Variants in ZNF385B observed in about 807,000 individuals in gnomAD.
ZNF385B encodes zinc finger protein 385B.
In ZNF385B, 23 loss-of-function variants were observed where a neutral mutation model predicts 39.2. That is an observed-to-expected ratio of 0.59 (90% confidence interval 0.42 to 0.83). The LOEUF is 0.83. ZNF385B is among the 40% of genes least tolerant of loss of function. The probability of loss-of-function intolerance (pLI) is 0.00; values close to 1 mark genes in which losing one functional copy is unlikely to be tolerated. For synonymous variants in ZNF385B, 205 were observed against 222.6 expected (o/e 0.92, Z 0.70); for missense variants, 552 against 598.9 (o/e 0.92, Z 0.82).
chr2:179,827,260 G>C (rs1013048486), intron 1 of ZNF385B, among the ~76,000 whole-genome samples: 1 of 152,136 alleles, frequency 6.6e-6, no homozygotes, highest in African/African-American at 2.4e-5. Context: ...TTTGGAGACA[G>C]TGTGATAGGG....
intron 1 of ZNF385B, among the ~76,000 whole-genome samples, chr2:179,818,167 AC>A (rs1707187150): frequency 6.6e-6 from 1 of 152,218 alleles, no homozygotes; most frequent in Non-Finnish European, 1.5e-5. Context: ...AACTAGAGAG[AC>A]TTTTTATTTC....
At chr2:179,615,804 C>T (rs1418596359) in intron 3 of ZNF385B, among the ~76,000 whole-genome samples, 1 of 152,126 alleles carries the variant, frequency 6.6e-6, no homozygotes, top group East Asian at 1.9e-4. Context: ...TAAAGGGCAC[C>T]TTAGATGGTT....
intron 1 of ZNF385B, among the ~76,000 whole-genome samples, chr2:179,844,962 T>C (rs1708725518): frequency 1.3e-5 from 2 of 152,188 alleles, no homozygotes. Context: ...TGTAACCTTG[T>C]CTTGGTGACA....
chr2:179,829,572 G>A (rs1707862837), intron 1 of ZNF385B, among the ~76,000 whole-genome samples: 2 of 151,988 alleles, frequency 1.3e-5, no homozygotes, highest in Admixed American at 6.5e-5. Context: ...GGAGTGCAGT[G>A]GTGCTATCTC....
At chr2:179,640,092 GAAC>G (rs781404091) in intron 3 of ZNF385B, among the ~76,000 whole-genome samples, 4 of 152,154 alleles carry the variant, frequency 2.6e-5, no homozygotes, top group South Asian at 4.2e-4. Context: ...ATGTTATACA[GAAC>G]AACAACAACA....
In ZNF385B at chr2:179,800,964, C is replaced by G. The variant is rs1575515817; in HGVS notation, c.-154-30292G>C. On this transcript the variant is annotated intron_variant, in intron 1 of 9. Transcript: ENST00000410066. ...CCTTGATTTCATCTGTTACCCAATT[C>G]ATAAGCAAAGTTTCCTAATTGCTTC... Among the ~76,000 whole-genome samples the G allele has an allele frequency of 3.3e-5, 5 of 152,220 alleles. 1 individual carries two copies. Among genetic ancestry groups the G allele is most frequent in the Admixed American group, 3.3e-4 (5 of 15,276 alleles).
intron 3 of ZNF385B, among the ~76,000 whole-genome samples, chr2:179,676,040 A>G (rs974597305): frequency 2.0e-5 from 3 of 150,782 alleles, no homozygotes; most frequent in Admixed American, 1.3e-4. Flanking sequence ...GCCCACCCTC[A>G]GCCTCCCACA....
At chr2:179,728,771 G>C (rs1369640675) in intron 3 of ZNF385B, among the ~76,000 whole-genome samples, 3 of 151,742 alleles carry the variant, frequency 2.0e-5, no homozygotes, top group Non-Finnish European at 4.4e-5. Flanking sequence ...TGAAGAACGA[G>C]TAATAGAAAT....
intron 1 of ZNF385B, among the ~76,000 whole-genome samples, chr2:179,854,491 AC>A (rs1232014129): frequency 6.6e-6 from 1 of 152,094 alleles, no homozygotes; most frequent in Non-Finnish European, 1.5e-5. Flanking sequence ...AAAAACTGTA[AC>A]TACTTTTGCA....
chr2:179,611,689 G>A (rs534694413), intron 3 of ZNF385B, among the ~76,000 whole-genome samples: 2 of 152,204 alleles, frequency 1.3e-5, no homozygotes, highest in Admixed American at 6.5e-5. Flanking sequence ...ACTTTATTAT[G>A]GCTTTGATCT....
At chr2:179,475,282 G>A (rs1025947432) in intron 6 of ZNF385B, among the ~76,000 whole-genome samples, 2 of 133,674 alleles carry the variant, frequency 1.5e-5, no homozygotes, top group African/African-American at 5.7e-5. Context: ...ACAGAATCTC[G>A]CTCTGTTACC....
intron 5 of ZNF385B, among the ~76,000 whole-genome samples, 155 bp from the exon 6 acceptor site, chr2:179,483,589 C>T (rs1444529826): frequency 6.6e-6 from 1 of 152,106 alleles, no homozygotes; most frequent in Non-Finnish European, 1.5e-5. Context: ...AATGGTAGAC[C>T]AGTTCCTAAG....
intron 5 of ZNF385B, among the ~76,000 whole-genome samples, chr2:179,499,097 C>G (rs991411373): frequency 2.0e-5 from 3 of 151,804 alleles, no homozygotes; most frequent in African/African-American, 4.8e-5. Context: ...TAGATACATA[C>G]TAACTACTAA....
intron 4 of ZNF385B, among the ~76,000 whole-genome samples, chr2:179,530,262 C>T (rs1481539585): frequency 6.6e-6 from 1 of 151,972 alleles, no homozygotes; most frequent in Non-Finnish European, 1.5e-5. Context: ...TGAGAAATAT[C>T]TTTTTATAAA....
intron 1 of ZNF385B, among the ~76,000 whole-genome samples, chr2:179,809,432 C>T (rs1358496476): frequency 6.6e-6 from 1 of 152,120 alleles, no homozygotes. Flanking sequence ...CCCCACTTAA[C>T]TAGTCATTAA....
Position 179,493,694 on chromosome 2 carries a change from TAC to T in ZNF385B, c.553-10262_553-10261del, listed in dbSNP as rs1403910346. The stretch of plus-strand genomic sequence containing the variant: ...ATATGCATATACATATACACATATA[TAC>T]ATATATGTATACACATATGCATATA... On this transcript the variant is annotated intron_variant, in intron 5 of 9. Transcript: ENST00000410066. Among the ~76,000 whole-genome samples the T allele has an allele frequency of 4.8e-5, 5 of 104,570 alleles. No homozygotes were observed. The East Asian group carries it at 1.7e-3, about 35-fold the overall frequency. 68.6% of individuals were successfully genotyped at this position (104,570 alleles called of 152,430 possible). A position where few individuals can be genotyped will look rare whatever the true frequency, so the allele number is the denominator to read the frequency against.
chr2:179,562,147 G>T (rs928204239), intron 3 of ZNF385B, among the ~76,000 whole-genome samples: 2 of 152,152 alleles, frequency 1.3e-5, no homozygotes, highest in Non-Finnish European at 2.9e-5. Flanking sequence ...AAAGATTAAA[G>T]AAATGTGGGA....
At chr2:179,655,310 G>C (rs926247912) in intron 3 of ZNF385B, among the ~76,000 whole-genome samples, 1 of 152,116 alleles carries the variant, frequency 6.6e-6, no homozygotes, top group Non-Finnish European at 1.5e-5. Context: ...AAACATTGTG[G>C]AGGAGATAAA....
intron 3 of ZNF385B, among the ~76,000 whole-genome samples, chr2:179,756,518 G>A (rs1459255556): frequency 6.6e-6 from 1 of 152,156 alleles, no homozygotes; most frequent in Non-Finnish European, 1.5e-5. Context: ...GAATTTGAAT[G>A]TTGGCCTGCC....
Sources: gnomAD v4.1 joint callset for allele counts (sites outside exome capture counted in the v4.1 genomes callset) on GRCh38, gnomAD v4.1.1 for gene constraint, MANE v1.5 for transcripts, NCBI Gene and HGNC (gene_info 2026-07-23, HGNC 2026-07-21) for gene names.